CTNNA2: variants seen among roughly 807,000 people sequenced by gnomAD.
The protein encoded by CTNNA2 is catenin alpha-2.
A neutral mutation model predicts 101.0 loss-of-function variants in CTNNA2; 42 were observed. The ratio of observed to expected loss-of-function variants is 0.42; its 90% CI spans 0.32 to 0.54. The LOEUF is 0.54. CTNNA2 is among the 20% of genes least tolerant of loss of function. The pLI, the probability that CTNNA2 is intolerant of heterozygous loss-of-function variation, is 0.14. For missense variants in CTNNA2, 871 were observed against 1,223.1 expected (o/e 0.71, Z 4.29); for synonymous variants, 450 against 456.4 (o/e 0.99, Z 0.18).
At chr2:79,892,244 A>C in intron 6 of CTNNA2, among the ~76,000 whole-genome samples, 1 of 152,164 alleles carries the variant, frequency 6.6e-6, no homozygotes, top group East Asian at 1.9e-4. Context: ...GAGCTCCTGT[A>C]AGCTTGCTAG....
At chr2:79,444,336 T>C (rs1343766882) in intron 4 of CTNNA2, among the ~76,000 whole-genome samples, 1 of 152,144 alleles carries the variant, frequency 6.6e-6, no homozygotes, top group Non-Finnish European at 1.5e-5. Flanking sequence ...AAATATTCTA[T>C]AGGAAAATTT....
intron 7 of CTNNA2, among the ~76,000 whole-genome samples, chr2:80,159,515 A>G (rs1704182548): frequency 6.6e-6 from 1 of 152,090 alleles, no homozygotes; most frequent in Admixed American, 6.5e-5. Context: ...TGTTGAATAT[A>G]TTTTCTTGTG....
chr2:79,494,177 C>A (rs1671231864), intron 4 of CTNNA2, among the ~76,000 whole-genome samples: 1 of 151,906 alleles, frequency 6.6e-6, no homozygotes, highest in South Asian at 2.1e-4. Context: ...TTAAAGAAGA[C>A]ATAAACAAAT....
chr2:80,124,363 A>T (rs1166585793), intron 7 of CTNNA2, among the ~76,000 whole-genome samples: 1 of 152,040 alleles, frequency 6.6e-6, no homozygotes, highest in Non-Finnish European at 1.5e-5. Flanking sequence ...GCCTCATTAG[A>T]TCCTCATCAT....
At chr2:80,043,119 CTCCTTCCTTCCT>C (rs70940072) in intron 7 of CTNNA2, among the ~76,000 whole-genome samples, 3,914 of 51,752 alleles carry the variant, frequency 0.076, 159 homozygotes, top group Non-Finnish European at 0.08. Flanking sequence ...CTCTTTCTTT[CTCCTTCCTTCCT>C]TCCTTCCTTC....
intron 9 of CTNNA2, among the ~76,000 whole-genome samples, chr2:80,471,849 G>A (rs533222678): frequency 2.2e-3 from 342 of 152,274 alleles, no homozygotes; most frequent in African/African-American, 7.6e-3. Flanking sequence ...GAAGGTGGCC[G>A]GGCGTAGTGG....
intron 7 of CTNNA2, among the ~76,000 whole-genome samples, chr2:80,312,233 C>A (rs985908795): frequency 6.6e-6 from 1 of 152,242 alleles, no homozygotes; most frequent in Admixed American, 6.5e-5. Context: ...GGAGTTCTTA[C>A]TCCTTACGCA....
intron 2 of CTNNA2, among the ~76,000 whole-genome samples, chr2:79,237,430 G>A (rs1674570994): frequency 6.6e-6 from 1 of 152,128 alleles, no homozygotes; most frequent in Non-Finnish European, 1.5e-5. Flanking sequence ...AAGGGTCCTA[G>A]GATTTTTGAA....
chr2:79,788,989 C>A (rs1168146240), intron 3 of CTNNA2, among the ~76,000 whole-genome samples: 1 of 151,972 alleles, frequency 6.6e-6, no homozygotes, highest in African/African-American at 2.4e-5. Flanking sequence ...TAATGATACA[C>A]CATGTCAGCT....
At chr2:79,287,499 T>A (rs897048800) in intron 2 of CTNNA2, among the ~76,000 whole-genome samples, 1 of 151,736 alleles carries the variant, frequency 6.6e-6, no homozygotes, top group Middle Eastern at 3.2e-3. Context: ...TGCAGGTCTA[T>A]TGGAGTACCC....
intron 3 of CTNNA2, among the ~76,000 whole-genome samples, chr2:79,768,037 C>T (rs1002949629): frequency 2.0e-5 from 3 of 151,724 alleles, no homozygotes; most frequent in African/African-American, 7.3e-5. Flanking sequence ...AGCACTTTGG[C>T]ATTTGGTGAT....
At chr2:79,898,942 A>G (rs1448155892) in intron 6 of CTNNA2, among the ~76,000 whole-genome samples, 1 of 152,136 alleles carries the variant, frequency 6.6e-6, no homozygotes, top group Non-Finnish European at 1.5e-5. Flanking sequence ...GGGCCTTGAG[A>G]TATACCAACT....
At chr2:79,491,287 G>A (rs1671205512) in intron 4 of CTNNA2, among the ~76,000 whole-genome samples, 1 of 152,070 alleles carries the variant, frequency 6.6e-6, no homozygotes, top group Non-Finnish European at 1.5e-5. Flanking sequence ...GTGGCAGTCT[G>A]GGCAGTAGAT....
chr2:79,435,864 C>T (rs1189118963), intron 4 of CTNNA2, among the ~76,000 whole-genome samples: 1 of 152,134 alleles, frequency 6.6e-6, no homozygotes, highest in African/African-American at 2.4e-5. Context: ...ATCACTAATG[C>T]TCATTTCATG....
intron 2 of CTNNA2, among the ~76,000 whole-genome samples, chr2:79,683,315 T>C (rs948438009): frequency 1.3e-5 from 2 of 152,210 alleles, no homozygotes; most frequent in African/African-American, 4.8e-5. Context: ...TCTCCTAGAA[T>C]GTGTTTATTT....
At chr2:79,673,812 C>G (rs1230778673) in intron 2 of CTNNA2, among the ~76,000 whole-genome samples, 1 of 151,982 alleles carries the variant, frequency 6.6e-6, no homozygotes, top group African/African-American at 2.4e-5. Flanking sequence ...GTCTGCTTTC[C>G]TTAGTCTCCC....
intron 2 of CTNNA2, among the ~76,000 whole-genome samples, chr2:79,694,794 G>A (rs914003552): frequency 2.6e-5 from 4 of 151,850 alleles, no homozygotes; most frequent in Non-Finnish European, 5.9e-5. Context: ...TAGAGAACAA[G>A]TGGCTTCCTT....
intron 5 of CTNNA2, among the ~76,000 whole-genome samples, chr2:79,507,517 A>G (rs886393458): frequency 6.6e-6 from 1 of 152,080 alleles, no homozygotes; most frequent in African/African-American, 2.4e-5. Flanking sequence ...CGCTCTCACC[A>G]TCTGTGACCC....
intron 7 of CTNNA2, among the ~76,000 whole-genome samples, chr2:80,027,788 C>A (rs757752793): frequency 2.0e-5 from 3 of 151,696 alleles, no homozygotes; most frequent in Non-Finnish European, 4.4e-5. Context: ...GGCAACACAG[C>A]AAGACCCTGT....
Sources: gnomAD v4.1 joint callset for allele counts (sites outside exome capture counted in the v4.1 genomes callset) on GRCh38, gnomAD v4.1.1 for gene constraint, MANE v1.5 for transcripts, NCBI Gene and HGNC (gene_info 2026-07-23, HGNC 2026-07-21) for gene names.